Variants in TRABD2B observed in about 807,000 individuals in gnomAD.
The protein encoded by TRABD2B is metalloprotease TIKI2.
Under a neutral mutation model 40.1 loss-of-function variants are expected in TRABD2B, and 14 were observed. That is an observed-to-expected ratio of 0.35 (90% confidence interval 0.23 to 0.55). The LOEUF is 0.55. Among genes scored for constraint, TRABD2B ranks in the 20% least tolerant of loss-of-function variants. The probability of loss-of-function intolerance (pLI) is 0.90; values close to 1 mark genes in which losing one functional copy is unlikely to be tolerated. For missense variants in TRABD2B, 541 were observed against 648.6 expected (o/e 0.83, Z 1.80); for synonymous variants, 263 against 277.0 (o/e 0.95, Z 0.50).
intron 2 of TRABD2B, among the ~76,000 whole-genome samples, chr1:47,984,642 G>A (rs1645894393): frequency 6.6e-6 from 1 of 152,158 alleles, no homozygotes; most frequent in African/African-American, 2.4e-5. Flanking sequence ...CTCGCGCCCC[G>A]TCCTCTAGCG....
chr1:47,963,693 G>A (rs777667310), intron 2 of TRABD2B, among the ~76,000 whole-genome samples: 20 of 152,196 alleles, frequency 1.3e-4, no homozygotes, highest in Non-Finnish European at 2.5e-4. Context: ...ATTTCCCAGT[G>A]CCTTGCTTGC....
intron 2 of TRABD2B, among the ~76,000 whole-genome samples, chr1:47,840,860 G>A (rs965912342): frequency 1.3e-5 from 2 of 152,162 alleles, no homozygotes; most frequent in African/African-American, 4.8e-5. Flanking sequence ...CTTAAGCTCT[G>A]TGGCTGTAGC....
chr1:47,847,128 T>C (rs11211619), intron 2 of TRABD2B, among the ~76,000 whole-genome samples: 48,326 of 152,064 alleles, frequency 0.32, 8,068 homozygotes, highest in Non-Finnish European at 0.37. Context: ...CTGCTCCTTC[T>C]TGGGGGAACT....
intron 2 of TRABD2B, among the ~76,000 whole-genome samples, chr1:47,843,968 G>A (rs956427820): frequency 2.6e-5 from 4 of 152,160 alleles, no homozygotes; most frequent in African/African-American, 9.7e-5. Context: ...CCCCAGGCCC[G>A]TAACATGTGG....
At chr1:47,812,680 C>G (rs1295506532) in intron 2 of TRABD2B, among the ~76,000 whole-genome samples, 1 of 152,158 alleles carries the variant, frequency 6.6e-6, no homozygotes, top group Non-Finnish European at 1.5e-5. Context: ...GATCTTACCA[C>G]TATACTGCAG....
At chr1:47,965,023 T>C (rs1057370230) in intron 2 of TRABD2B, among the ~76,000 whole-genome samples, 1 of 151,732 alleles carries the variant, frequency 6.6e-6, no homozygotes, top group African/African-American at 2.4e-5. Flanking sequence ...GAATAAGTCT[T>C]TTTTGTTTAG....
chr1:47,862,718 T>G (rs2352872), intron 2 of TRABD2B, among the ~76,000 whole-genome samples: 1 of 152,124 alleles, frequency 6.6e-6, no homozygotes, highest in Admixed American at 6.5e-5. Context: ...TTATTTTGTG[T>G]CTATCAACAA....
At chr1:47,956,462 G>A (rs1469215669) in intron 2 of TRABD2B, among the ~76,000 whole-genome samples, 1 of 152,218 alleles carries the variant, frequency 6.6e-6, no homozygotes, top group Non-Finnish European at 1.5e-5. Flanking sequence ...CTAGCCAAGG[G>A]AAGCCGTGAC....
At chr1:47,968,428 G>C (rs902787490) in intron 2 of TRABD2B, among the ~76,000 whole-genome samples, 1 of 152,102 alleles carries the variant, frequency 6.6e-6, no homozygotes, top group African/African-American at 2.4e-5. Context: ...TGCCACAAAG[G>C]GACAATAACT....
At chr1:47,861,618 T>C (rs1643973127) in intron 2 of TRABD2B, among the ~76,000 whole-genome samples, 1 of 152,192 alleles carries the variant, frequency 6.6e-6, no homozygotes, top group African/African-American at 2.4e-5. Context: ...ATTGGATCGA[T>C]AATTAAGAAT....
At chr1:47,962,605 A>G (rs1324157767) in intron 2 of TRABD2B, among the ~76,000 whole-genome samples, 1 of 152,192 alleles carries the variant, frequency 6.6e-6, no homozygotes, top group Non-Finnish European at 1.5e-5. Context: ...GCACTGCTCT[A>G]GACACTTTAC....
intron 2 of TRABD2B, among the ~76,000 whole-genome samples, chr1:47,834,174 G>A (rs750349293): frequency 1.7e-4 from 26 of 152,188 alleles, no homozygotes; most frequent in Non-Finnish European, 3.4e-4. Context: ...GTCTGTATTT[G>A]ATCTGACCTA....
At chr1:47,833,990 C>A (rs549030291) in intron 2 of TRABD2B, among the ~76,000 whole-genome samples, 1 of 152,214 alleles carries the variant, frequency 6.6e-6, no homozygotes, top group Non-Finnish European at 1.5e-5. Context: ...ATTACCCATA[C>A]GCCTTCTGCA....
At chr1:47,902,135 T>A (rs1275723771) in intron 2 of TRABD2B, among the ~76,000 whole-genome samples, 1 of 152,208 alleles carries the variant, frequency 6.6e-6, no homozygotes, top group Admixed American at 6.5e-5. Flanking sequence ...TCTTCCCTGG[T>A]TGGCCCTGAC....
chr1:47,784,276 T>A (rs1286686431), intron 4 of TRABD2B, among the ~76,000 whole-genome samples: 1 of 152,186 alleles, frequency 6.6e-6, no homozygotes, highest in Non-Finnish European at 1.5e-5. Context: ...CTGCAAGGGA[T>A]CCTGAGTTCA....
At chr1:47,968,003 G>C (rs1478364014) in intron 2 of TRABD2B, among the ~76,000 whole-genome samples, 2 of 152,226 alleles carry the variant, frequency 1.3e-5, no homozygotes, top group African/African-American at 2.4e-5. Flanking sequence ...TGTACAGCAT[G>C]GTTTTCAAGG....
intron 2 of TRABD2B, among the ~76,000 whole-genome samples, chr1:47,935,385 G>T (rs1995093): frequency 1.3e-5 from 2 of 152,154 alleles, no homozygotes; most frequent in Non-Finnish European, 2.9e-5. Context: ...ACATGTGTTC[G>T]CACCCGTCGT....
At chr1:47,869,417 C>T (rs1644108609) in intron 2 of TRABD2B, among the ~76,000 whole-genome samples, 1 of 152,224 alleles carries the variant, frequency 6.6e-6, no homozygotes, top group Admixed American at 6.5e-5. Flanking sequence ...CAGTCAGCAA[C>T]AACAGGTGTG....
At chr1:47,876,951 A>G (rs10443227) in intron 2 of TRABD2B, among the ~76,000 whole-genome samples, 3,222 of 152,280 alleles carry the variant, frequency 0.021, 53 homozygotes, top group Non-Finnish European at 0.031. Flanking sequence ...GCAGATCTAT[A>G]ATAGTAGCTA....
Sources: allele counts gnomAD v4.1 joint callset (sites outside exome capture counted in the v4.1 genomes callset), GRCh38; gene constraint gnomAD v4.1.1; transcripts MANE v1.5; gene names NCBI Gene and HGNC (gene_info 2026-07-23, HGNC 2026-07-21).